Variants in NCAM2 observed in about 807,000 individuals in gnomAD.
NCAM2 encodes the protein neural cell adhesion molecule 2.
NCAM2 carries 30 observed loss-of-function variants against 98.1 expected under a neutral mutation model. That is an observed-to-expected ratio of 0.31 (90% CI 0.23 to 0.41). NCAM2 has a LOEUF of 0.41. Ranked by LOEUF, NCAM2 falls within the 10% of genes least tolerant of loss-of-function variation. NCAM2 has a pLI of 1.00. For synonymous variants in NCAM2, 368 were observed against 342.4 expected (o/e 1.07, Z -0.83); for missense variants, 867 against 1,005.8 (o/e 0.86, Z 1.87).
intron 8 of NCAM2, among the ~76,000 whole-genome samples, chr21:21,344,554 G>T (rs1389789719): frequency 1.3e-5 from 2 of 152,124 alleles, no homozygotes; most frequent in East Asian, 3.9e-4. Context: ...TTGGAAATGG[G>T]AGGGAAGAGG....
chr21:21,418,106 C>T (rs147562024), intron 10 of NCAM2, among the ~76,000 whole-genome samples: 2 of 151,392 alleles, frequency 1.3e-5, no homozygotes, highest in African/African-American at 2.4e-5. Context: ...TATATATATA[C>T]ATGTATACAT....
chr21:21,435,896 T>C (rs1354642016), intron 12 of NCAM2, among the ~76,000 whole-genome samples: 1 of 152,044 alleles, frequency 6.6e-6, no homozygotes, highest in Admixed American at 6.6e-5. Flanking sequence ...GTAGACTCCA[T>C]ATTTGTATAG....
Position 21,473,015 on chromosome 21 carries a change from C to T in NCAM2, c.1896+4232C>T, listed in dbSNP as rs895036630. On this transcript the variant is annotated intron_variant, in intron 14 of 17. Transcript: ENST00000400546. ...ACACGCACACATACACACACACACACGTATATATAATTTTATATACAATTC... is the reference window on the plus strand; with the variant it reads ...ACACGCACACATACACACACACACATGTATATATAATTTTATATACAATTC... Among the ~76,000 whole-genome samples, 5 of 150,818 alleles carry T rather than the reference C, an allele frequency of 3.3e-5. No homozygotes were observed. In the South Asian group the frequency reaches 8.4e-4, roughly 25 times the overall value.
At chr21:21,187,091 G>A (rs968408356) in intron 1 of NCAM2, among the ~76,000 whole-genome samples, 2 of 151,972 alleles carry the variant, frequency 1.3e-5, no homozygotes, top group African/African-American at 2.4e-5. Flanking sequence ...TTAGCCAGGT[G>A]TGGTGGTTTG....
chr21:21,289,656 G>A (rs774126949), intron 4 of NCAM2, among the ~76,000 whole-genome samples: 1 of 151,888 alleles, frequency 6.6e-6, no homozygotes, highest in Non-Finnish European at 1.5e-5. Flanking sequence ...TTTTACAAAT[G>A]AGTAAATCTA....
chr21:21,537,835 T>G lies in NCAM2; in HGVS notation c.2403-11T>G, dbSNP rs1353272969. On this transcript the variant is annotated splice_polypyrimidine_tract_variant and intron_variant, in intron 17 of 17. Coordinates refer to ENST00000400546, the MANE Select transcript of NCAM2 (RefSeq NM_004540.5). The stretch of plus-strand genomic sequence containing the variant: ...CTCAGAAAATGAAGCTTATTATTTT[T>G]TATCTTCCAGAAAATTGCCTTTAAA... 7.1e-7 allele frequency: 1 copy of G among 1,399,132 alleles called. No homozygotes were observed. Among genetic ancestry groups the G allele is most frequent in the Non-Finnish European group, 9.9e-7 (1 of 1,009,104 alleles). The allele number at this position is 1,399,132 out of a possible 1,614,324, so 86.7% of individuals were successfully genotyped here.
intron 1 of NCAM2, among the ~76,000 whole-genome samples, chr21:21,094,682 T>G (rs534243230): frequency 1.2e-4 from 18 of 151,942 alleles, no homozygotes; most frequent in African/African-American, 3.6e-4. Context: ...TGTTTTGAAC[T>G]GTAAAAATCA....
rs1285874606 is a variant in NCAM2, at chr21:21,047,435, CTTGT to C, written c.55+48820_55+48823del. Among the ~76,000 whole-genome samples the C allele has an allele frequency of 9.9e-5, 15 of 152,068 alleles. No individual in the cohort carries two copies. In the South Asian group the frequency reaches 2.3e-3, roughly 23 times the overall value. On this transcript the variant is annotated intron_variant, in intron 1 of 17. Coordinates refer to ENST00000400546, the MANE Select transcript of NCAM2 (RefSeq NM_004540.5). Reference sequence around the variant, plus strand: ...AGAAATGAATTGACAGGTTTTTTTGCTTGTTTATTTCAGACAGACTAAAGGTACA... The same window carrying C: ...AGAAATGAATTGACAGGTTTTTTTGCTTATTTCAGACAGACTAAAGGTACA...
chr21:21,104,608 T>C (rs2066308324), intron 1 of NCAM2, among the ~76,000 whole-genome samples: 1 of 151,994 alleles, frequency 6.6e-6, no homozygotes, highest in East Asian at 1.9e-4. Context: ...AGAGGGTGCA[T>C]TTAAGCTAAT....
At chr21:21,320,399 T>A (rs1436950722) in intron 5 of NCAM2, among the ~76,000 whole-genome samples, 2 of 152,196 alleles carry the variant, frequency 1.3e-5, no homozygotes, top group Non-Finnish European at 2.9e-5. Flanking sequence ...TTTGCATTTT[T>A]AAATTTTGTA....
chr21:21,004,997 A>C (rs942506915), intron 1 of NCAM2, among the ~76,000 whole-genome samples: 7 of 152,268 alleles, frequency 4.6e-5, no homozygotes, highest in African/African-American at 1.4e-4. Flanking sequence ...ACAAATTGTA[A>C]GAAGGGAGGG....
chr21:21,095,678 C>T (rs2066107076), intron 1 of NCAM2, among the ~76,000 whole-genome samples: 1 of 151,468 alleles, frequency 6.6e-6, no homozygotes, highest in Admixed American at 6.6e-5. Flanking sequence ...GAAAAAATAA[C>T]TAGAAGCAAG....
chr21:21,472,967 T>TACACACACACACACAC (rs3039039), intron 14 of NCAM2, among the ~76,000 whole-genome samples: 1 of 142,276 alleles, frequency 7.0e-6, no homozygotes, highest in Non-Finnish European at 1.6e-5. Context: ...TACATATATG[T>TACACACACACACACAC]ACACACACAC....
At chr21:21,139,566 A>C (rs1200589386) in intron 1 of NCAM2, among the ~76,000 whole-genome samples, 1 of 152,194 alleles carries the variant, frequency 6.6e-6, no homozygotes, top group African/African-American at 2.4e-5. Flanking sequence ...TAATTGTAAC[A>C]GTCTATAGAT....
rs1984056229 is a variant in NCAM2, at chr21:21,468,795, G to A, written c.1896+12G>A. The A allele has an allele frequency of 3.7e-6, 6 of 1,605,190 alleles. No homozygotes were observed. The highest frequency in any genetic ancestry group is 4.3e-6 in the Non-Finnish European group (5 of 1,174,720). ...TGAAATATAGAAGTGTAAGTACCTTGTTTATTGTCATATCATGCTAGGTTT... is the reference window on the plus strand; with the variant it reads ...TGAAATATAGAAGTGTAAGTACCTTATTTATTGTCATATCATGCTAGGTTT... On this transcript the variant is annotated intron_variant, in intron 14 of 17. Transcript: ENST00000400546.
intron 16 of NCAM2, among the ~76,000 whole-genome samples, chr21:21,513,599 G>A (rs964146105): frequency 3.3e-5 from 5 of 151,988 alleles, no homozygotes; most frequent in Admixed American, 2.0e-4. Flanking sequence ...TTCAAGAATT[G>A]TTTTGTGGCC....
intron 1 of NCAM2, among the ~76,000 whole-genome samples, chr21:21,237,984 C>CT (rs1233807051): frequency 2.5e-5 from 3 of 120,878 alleles, no homozygotes; most frequent in African/African-American, 6.6e-5. Flanking sequence ...GAGACGGAGT[C>CT]TCGCTCTGTC....
chr21:21,480,108 A>G (rs1374124292), intron 15 of NCAM2, among the ~76,000 whole-genome samples: 1 of 151,996 alleles, frequency 6.6e-6, no homozygotes, highest in Non-Finnish European at 1.5e-5. Context: ...GGCTCACGCC[A>G]GCAATCCCAG....
chr21:21,234,049 A>G (rs1022220671), intron 1 of NCAM2, among the ~76,000 whole-genome samples: 1 of 151,838 alleles, frequency 6.6e-6, no homozygotes, highest in African/African-American at 2.4e-5. Context: ...ATTGTCATAT[A>G]CTCCAGTGAC....
Sources: gnomAD v4.1 joint callset for allele counts (sites outside exome capture counted in the v4.1 genomes callset) on GRCh38, gnomAD v4.1.1 for gene constraint, MANE v1.5 for transcripts, NCBI Gene and HGNC (gene_info 2026-07-23, HGNC 2026-07-21) for gene names.